TRMT10A: variants seen among roughly 807,000 people sequenced by gnomAD.
The protein encoded by TRMT10A is tRNA methyltransferase 10 homolog A.
In TRMT10A, 37 loss-of-function variants were observed where a neutral mutation model predicts 40.4. That is an observed-to-expected ratio of 0.92 (90% CI 0.71 to 1.21). The LOEUF is 1.21. TRMT10A is among the 50% of genes most tolerant of loss of function. TRMT10A has a pLI of 0.00. For missense variants in TRMT10A, 388 were observed against 404.3 expected, an observed-to-expected ratio of 0.96 and a Z score of 0.35; for synonymous variants, 103 against 134.1, an observed-to-expected ratio of 0.77 and a Z score of 1.60.
intron 3 of TRMT10A, 45 bp downstream of exon 3, chr4:99,558,004 G>C (rs761265430): frequency 6.8e-7 from 1 of 1,475,972 alleles, no homozygotes; most frequent in Admixed American, 2.6e-5. Flanking sequence ...AAAATGATTC[G>C]ACCTAATTCA....
chr4:99,556,347 A>G lies in TRMT10A; in HGVS notation c.421-127T>C, dbSNP rs1009025928. On this transcript the variant is annotated intron_variant, in intron 4 of 7. Coordinates refer to ENST00000394876, the MANE Select transcript of TRMT10A (RefSeq NM_001134665.3). Reference sequence around the variant, plus strand: ...AATATATTTATTCTCATTCATCTAGAAAAAAAATTTGTGACATGCTTTGAG... The same window carrying G: ...AATATATTTATTCTCATTCATCTAGGAAAAAAATTTGTGACATGCTTTGAG... 8.9e-6 allele frequency: 8 copies of G among 894,716 alleles called. No individual in the cohort carries two copies. The African/African-American group carries it at 1.4e-4, about 15-fold the overall frequency. The allele number at this position is 894,716 out of a possible 1,614,324, so 55.4% of individuals were successfully genotyped here. A position where few individuals can be genotyped will look rare whatever the true frequency, so the allele number is the denominator to read the frequency against.
chr4:99,551,677 AT>A (rs764087234), intron 6 of TRMT10A, among the ~76,000 whole-genome samples: 6 of 152,144 alleles, frequency 3.9e-5, no homozygotes, highest in African/African-American at 7.2e-5. Flanking sequence ...AAAAAAAAAA[AT>A]AATAATTACA....
chr4:99,555,601 A>T (rs1724133628), intron 5 of TRMT10A, among the ~76,000 whole-genome samples: 1 of 152,228 alleles, frequency 6.6e-6, no homozygotes, highest in Non-Finnish European at 1.5e-5. Context: ...TTTATCATTT[A>T]AACATATAAT....
At chr4:99,557,965 A>AT (rs1724231592) in intron 3 of TRMT10A, 84 bp downstream of exon 3, 21 of 1,280,104 alleles carry the variant, frequency 1.6e-5, no homozygotes, top group Middle Eastern at 3.9e-4. Flanking sequence ...ACACAAATTT[A>AT]CATAAAAGGG....
chr4:99,550,797 T>G lies in TRMT10A; in HGVS notation c.751+88A>C. ...CAATTTTGTCTCCAGGAAGGTGTAA[T>G]ACTTTCTACTTGTTCAAATACTAAA... On this transcript the variant is annotated intron_variant, in intron 7 of 7. Coordinates refer to ENST00000394876, the MANE Select transcript of TRMT10A (RefSeq NM_001134665.3). 3.2e-6 allele frequency: 3 copies of G among 923,740 alleles called. No homozygotes were observed. In the Admixed American group the frequency reaches 7.3e-5, roughly 23 times the overall value. 57.2% of individuals were successfully genotyped at this position (923,740 alleles called of 1,614,324 possible). A position where few individuals can be genotyped will look rare whatever the true frequency, so the allele number is the denominator to read the frequency against.
At chr4:99,551,890 C>T (rs1723978574) in intron 6 of TRMT10A, among the ~76,000 whole-genome samples, 1 of 141,386 alleles carries the variant, frequency 7.1e-6, no homozygotes, top group Non-Finnish European at 1.6e-5. Flanking sequence ...TAGTTTTTAA[C>T]AAAAAAGTTT....
intron 6 of TRMT10A, 114 bp downstream of exon 6, chr4:99,553,671 T>A (rs56076045): frequency 9.7e-7 from 1 of 1,027,360 alleles, no homozygotes; most frequent in Non-Finnish European, 1.4e-6. Context: ...GTGACTGACA[T>A]ATAGTAGGCA....
At chr4:99,554,628 G>T (rs1357798137) in intron 5 of TRMT10A, among the ~76,000 whole-genome samples, 7 of 150,076 alleles carry the variant, frequency 4.7e-5, no homozygotes, top group Admixed American at 4.1e-4. Flanking sequence ...GGCTGAGGCT[G>T]GAGAATTGTT....
chr4:99,563,632 T>C (rs1286326186), intron 1 of TRMT10A: 1 of 280,224 alleles, frequency 3.6e-6, no homozygotes, highest in Non-Finnish European at 7.2e-6. Context: ...GGGCGGAGCC[T>C]CGCCCACTAT....
intron 1 of TRMT10A, among the ~76,000 whole-genome samples, chr4:99,562,367 G>A (rs12163852): frequency 6.6e-6 from 1 of 151,040 alleles, no homozygotes; most frequent in Non-Finnish European, 1.5e-5. Context: ...AAAAAAAAAA[G>A]TTTTTTAAAA....
At chr4:99,556,079 C>A in intron 5 of TRMT10A, 67 bp downstream of exon 5, 3 of 1,446,428 alleles carry the variant, frequency 2.1e-6, no homozygotes, top group Non-Finnish European at 2.9e-6. Flanking sequence ...AATTTAGGTA[C>A]AAAATGTAGA....
Position 99,558,065 on chromosome 4 carries a change from T to C in TRMT10A, c.332A>G (p.His111Arg), listed in dbSNP as rs201275067. ...LRLIIDCSFD[H>R]LMVLKDIKKL... Reference sequence around the variant, plus strand: ...TCATGATACCTTTAATACCATCAAGTGATCAAAACTACAGTCAATAATAAG... The same window carrying C: ...TCATGATACCTTTAATACCATCAAGCGATCAAAACTACAGTCAATAATAAG... The change falls in exon 3 of 8, where the codon CAC becomes CGC. Residue 111 changes from histidine (H) to arginine (R), a missense_variant. Transcript: ENST00000394876. 6.3e-7 allele frequency: 1 copy of C among 1,593,148 alleles called. No individual in the cohort carries two copies. Among genetic ancestry groups the C allele is most frequent in the Non-Finnish European group, 8.5e-7 (1 of 1,173,878 alleles).
intron 1 of TRMT10A, among the ~76,000 whole-genome samples, chr4:99,562,505 A>G (rs1724461039): frequency 6.8e-6 from 1 of 148,098 alleles, no homozygotes; most frequent in South Asian, 2.1e-4. Context: ...CAGCGATAGC[A>G]AAGGAATGCC....
chr4:99,563,882 G>A lies in TRMT10A; in HGVS notation c.-24+31C>T. Reference sequence around the variant, plus strand: ...TGCGTCCAGAGAATACCATAGTGCGGGGGAGCGCCAACCAGTGCCAGGACA... The same window carrying A: ...TGCGTCCAGAGAATACCATAGTGCGAGGGAGCGCCAACCAGTGCCAGGACA... On this transcript the variant is annotated intron_variant, in intron 1 of 7. Coordinates refer to ENST00000394876, the MANE Select transcript of TRMT10A (RefSeq NM_001134665.3). 5.6e-6 allele frequency: 4 copies of A among 709,208 alleles called. No individual in the cohort carries two copies. In the Admixed American group the frequency reaches 6.0e-5, roughly 11 times the overall value. 43.9% of individuals were successfully genotyped at this position (709,208 alleles called of 1,614,324 possible).
chr4:99,550,925 A>G lies in TRMT10A; in HGVS notation c.711T>C (p.Phe237=). 1 of 1,613,424 alleles carries G rather than the reference A, an allele frequency of 6.2e-7. No homozygotes were observed. Among genetic ancestry groups the G allele is most frequent in the East Asian group, 2.2e-5 (1 of 44,744 alleles). The change falls in exon 7 of 8, where the codon TTT becomes TTC. Residue 237 remains phenylalanine, a synonymous_variant. Coordinates refer to ENST00000394876, the MANE Select transcript of TRMT10A (RefSeq NM_001134665.3). The stretch of plus-strand genomic sequence containing the variant: ...AAACTTTTCGACTATTCATCTTCAC[A>G]AAATTTCCAAGTGGGAGCTGTGCAT... ...INHAQLPLGN[F]VKMNSRKVLA...
intron 4 of TRMT10A, 115 bp from the exon 5 acceptor site, chr4:99,556,335 T>G: frequency 1.0e-6 from 1 of 990,318 alleles, no homozygotes; most frequent in Non-Finnish European, 1.5e-6. Flanking sequence ...ATATTTATTC[T>G]CATTCATCTA....
intron 5 of TRMT10A, 94 bp from the exon 6 acceptor site, chr4:99,554,028 C>A (rs908542836): frequency 7.8e-7 from 1 of 1,285,456 alleles, no homozygotes; most frequent in East Asian, 2.4e-5. Context: ...CAAATCCATT[C>A]AAAAATATAT....
At chr4:99,563,871 A>G (rs1225353426) in intron 1 of TRMT10A, 42 bp downstream of exon 1, 1 of 696,748 alleles carries the variant, frequency 1.4e-6, no homozygotes, top group African/African-American at 1.7e-5. Context: ...TCCAGAGAAT[A>G]CCATAGTGCG....
intron 1 of TRMT10A, among the ~76,000 whole-genome samples, chr4:99,560,586 T>TA (rs1002099815): frequency 7.2e-5 from 11 of 151,746 alleles, no homozygotes; most frequent in East Asian, 1.9e-4. Flanking sequence ...TTAATTTTTT[T>TA]AAAAAAAATC....
Sources: allele counts gnomAD v4.1 joint callset (sites outside exome capture counted in the v4.1 genomes callset), GRCh38; gene constraint gnomAD v4.1.1; transcripts MANE v1.5; gene names NCBI Gene and HGNC (gene_info 2026-07-23, HGNC 2026-07-21).